Variants in RASA3 observed in about 807,000 individuals in gnomAD.
RASA3 encodes the protein ras GTPase-activating protein 3.
RASA3 carries 73 observed loss-of-function variants against 110.0 expected under a neutral mutation model. That is an observed-to-expected ratio of 0.66 (90% CI 0.55 to 0.81). The LOEUF is 0.81. Among genes scored for constraint, RASA3 ranks in the 30% least tolerant of loss-of-function variants. The pLI, the probability that RASA3 is intolerant of heterozygous loss-of-function variation, is 0.00. For missense variants in RASA3, 976 were observed against 1,113.2 expected (o/e 0.88, Z 1.75); for synonymous variants, 500 against 451.4 (o/e 1.11, Z -1.37).
chr13:114,095,909 G>T (rs2079936102), intron 1 of RASA3, among the ~76,000 whole-genome samples: 2 of 152,238 alleles, frequency 1.3e-5, no homozygotes, highest in African/African-American at 4.8e-5. Context: ...TTAAGCTATT[G>T]TGTTTACTTG....
intron 3 of RASA3, among the ~76,000 whole-genome samples, chr13:114,042,295 G>A (rs2054427303): frequency 6.6e-6 from 1 of 152,222 alleles, no homozygotes; most frequent in South Asian, 2.1e-4. Context: ...GCACACTGCG[G>A]ACCACGCCAC....
chr13:114,009,222 T>C (rs6560942), intron 17 of RASA3, among the ~76,000 whole-genome samples, 165 bp downstream of exon 17: 107,880 of 152,172 alleles, frequency 0.71, 39,079 homozygotes, highest in African/African-American at 0.87. Context: ...TCCCAGGACT[T>C]GGGACAAGGC....
At chr13:114,023,482 G>C (rs2053969566) in intron 8 of RASA3, among the ~76,000 whole-genome samples, 1 of 152,238 alleles carries the variant, frequency 6.6e-6, no homozygotes, top group Non-Finnish European at 1.5e-5. Context: ...ATAGGGAATG[G>C]AGGCATTCGT....
intron 21 of RASA3, among the ~76,000 whole-genome samples, chr13:113,995,715 A>G (rs1186687606): frequency 6.1e-5 from 2 of 32,854 alleles, no homozygotes; most frequent in Admixed American, 3.3e-4. Flanking sequence ...CTGACGGAGG[A>G]CCCAGCTGAT....
At chr13:114,090,670 G>A (rs1208805059) in intron 1 of RASA3, among the ~76,000 whole-genome samples, 3 of 152,200 alleles carry the variant, frequency 2.0e-5, no homozygotes, top group Admixed American at 6.5e-5. Flanking sequence ...GAGAGCCCAC[G>A]TGACAAGCAC....
Position 114,015,100 on chromosome 13 carries a change from C to T in RASA3, c.1405+109G>A, listed in dbSNP as rs2053758232. The T allele has an allele frequency of 2.7e-5, 39 of 1,448,064 alleles. No homozygotes were observed. The South Asian group carries it at 4.8e-4, about 18-fold the overall frequency. The allele number at this position is 1,448,064 out of a possible 1,614,324, so 89.7% of individuals were successfully genotyped here. On this transcript the variant is annotated intron_variant, in intron 14 of 23. Transcript: ENST00000334062. The stretch of plus-strand genomic sequence containing the variant: ...AGCATCGGAACTGGGGTTCACGACC[C>T]CGCAGTTCTAGTCTAGCCAGGGCTG...
At chr13:114,105,026 A>G (rs1420793052) in intron 1 of RASA3, among the ~76,000 whole-genome samples, 11 of 151,642 alleles carry the variant, frequency 7.3e-5, no homozygotes, top group Admixed American at 7.2e-4. Flanking sequence ...ATCTCGGGCC[A>G]TAAACACCCT....
At chr13:114,003,214 T>G (rs1460764425) in intron 18 of RASA3, among the ~76,000 whole-genome samples, 1 of 152,184 alleles carries the variant, frequency 6.6e-6, no homozygotes, top group Non-Finnish European at 1.5e-5. Context: ...CTCGAGGGCC[T>G]GATGGACCAA....
chr13:114,128,836 C>T (rs767945815), intron 1 of RASA3, among the ~76,000 whole-genome samples: 34 of 152,328 alleles, frequency 2.2e-4, no homozygotes, highest in Admixed American at 6.5e-4. Flanking sequence ...CGGCCTCCCA[C>T]GGACGGCATT....
chr13:114,080,547 G>A (rs1460768191), intron 1 of RASA3, among the ~76,000 whole-genome samples: 1 of 152,160 alleles, frequency 6.6e-6, no homozygotes, highest in East Asian at 1.9e-4. Context: ...CCAAATAACG[G>A]GCATATTCAA....
chr13:114,116,238 C>G (rs1432481682), intron 1 of RASA3, among the ~76,000 whole-genome samples: 1 of 152,224 alleles, frequency 6.6e-6, no homozygotes, highest in East Asian at 1.9e-4. Context: ...TCGGGCCAGG[C>G]CTGCTGTCTT....
rs771309465 is a variant in RASA3 at position 114,016,242 on chromosome 13, G to A, written c.1236C>T (p.Ile412=). The A allele has an allele frequency of 3.7e-6, 6 of 1,601,956 alleles. No individual in the cohort carries two copies. Among genetic ancestry groups the A allele is most frequent in the South Asian group, 1.1e-5 (1 of 90,818 alleles). Residue 412 remains isoleucine, a synonymous_variant, in exon 13 of 24, where the codon ATC becomes ATT. Transcript: ENST00000334062. ...EICQSHKPCE[I]DPVKLKDGEN... is the part of the protein sequence containing the mutation. ...CTCCGTCTTTCAACTTCACAGGGTC[G>A]ATTTCACAGGGTTTGTGGCTCTGGC...
intron 18 of RASA3, among the ~76,000 whole-genome samples, 162 bp downstream of exon 18, chr13:114,007,368 ACGC>A (rs2053535343): frequency 1.0e-4 from 3 of 28,592 alleles, no homozygotes; most frequent in Non-Finnish European, 1.7e-4. Flanking sequence ...GCCCTGCCGG[ACGC>A]CACCTTACCC....
At chr13:113,995,623 G>T (rs1437611123) in intron 21 of RASA3, among the ~76,000 whole-genome samples, 1 of 149,718 alleles carries the variant, frequency 6.7e-6, no homozygotes, top group Non-Finnish European at 1.5e-5. Context: ...TGCTGATGGG[G>T]GGCCTGACAG....
chr13:114,059,783 G>A (rs186546654), intron 2 of RASA3, among the ~76,000 whole-genome samples: 209 of 152,374 alleles, frequency 1.4e-3, no homozygotes, highest in African/African-American at 4.8e-3. Context: ...CCCGCCAGGC[G>A]TGGCTCACTG....
At position 114,096,358 on chromosome 13, in the gene RASA3, C is replaced by T. The variant is rs944935665; in HGVS notation, c.56-22521G>A. Among the ~76,000 whole-genome samples the T allele has an allele frequency of 2.0e-5, 3 of 152,206 alleles. No homozygotes were observed. The highest frequency in any genetic ancestry group is 2.9e-5 in the Non-Finnish European group (2 of 68,034). On this transcript the variant is annotated intron_variant, in intron 1 of 23. Coordinates refer to ENST00000334062, the MANE Select transcript of RASA3 (RefSeq NM_007368.4). The surrounding 1 kb of genome is among the most constrained non-coding windows in gnomAD (Gnocchi z 5.1). ...TCTCTCACAGTCACCTCAACAGCAT[C>T]TCAGCCGTTGTCCGACACTGGGTGA...
At chr13:114,076,805 G>A (rs548760236) in intron 1 of RASA3, among the ~76,000 whole-genome samples, 91 of 152,226 alleles carry the variant, frequency 6.0e-4, no homozygotes, top group African/African-American at 1.9e-3. Context: ...TCCCGGCCCT[G>A]TTTTGGAACT....
intron 4 of RASA3, among the ~76,000 whole-genome samples, chr13:114,037,772 A>G (rs1229496162): frequency 6.6e-6 from 1 of 152,242 alleles, no homozygotes; most frequent in Non-Finnish European, 1.5e-5. Context: ...TGAAATCTGG[A>G]TAACATCCGT....
rs751162458 is a variant in RASA3, at chr13:113,992,516, G to C, written c.2214C>G (p.Asn738Lys). The C allele has an allele frequency of 1.2e-6, 2 of 1,613,524 alleles. No homozygotes were observed. The highest frequency in any genetic ancestry group is 1.7e-6 in the Non-Finnish European group (2 of 1,179,918). Residue 738 changes from asparagine to lysine, a missense_variant, in exon 22 of 24, where the codon AAC becomes AAG. By Grantham distance (94) the Asn-to-Lys change is moderately conservative. Transcript: ENST00000334062. ...RETERIYSLF[N>K]LYMSKLEKMQ... is the part of the protein sequence containing the mutation. ...TCTTCTCCAGCTTGCTCATGTACAA[G>C]TTGAAGAGGGAGTAGATACGCTCCG...
Sources: allele counts gnomAD v4.1 joint callset (sites outside exome capture counted in the v4.1 genomes callset), GRCh38; gene constraint gnomAD v4.1.1; non-coding constraint Gnocchi (gnomAD v3.1); transcripts MANE v1.5; gene names NCBI Gene and HGNC (gene_info 2026-07-23, HGNC 2026-07-21).